The following TAMM41 variants were observed in gnomAD, a reference collection of about 807,000 sequenced individuals.
TAMM41 encodes the protein TAM41 mitochondrial translocator assembly and maintenance homolog.
In TAMM41, 36 loss-of-function variants were observed where a neutral mutation model predicts 44.1. The observed-to-expected ratio is 0.82, with a 90% confidence interval of 0.63 to 1.08. The LOEUF (loss-of-function observed/expected upper bound fraction) is 1.08, where lower values mean the gene tolerates loss of function less well. Ranked by LOEUF, TAMM41 falls within the 50% of genes least tolerant of loss-of-function variation. The probability of loss-of-function intolerance (pLI) is 0.00; values close to 1 mark genes in which losing one functional copy is unlikely to be tolerated. For missense variants in TAMM41, 417 were observed against 404.3 expected, an observed-to-expected ratio of 1.03 and a Z score of -0.27; for synonymous variants, 164 against 153.1, an observed-to-expected ratio of 1.07 and a Z score of -0.53.
At chr3:11,790,879 T>C (rs1190609524) in intron 7 of TAMM41, among the ~76,000 whole-genome samples, 1 of 152,174 alleles carries the variant, frequency 6.6e-6, no homozygotes, top group East Asian at 1.9e-4. Flanking sequence ...ATTTAGCTCT[T>C]TCAAAAAGGT....
At chr3:11,803,408 C>T (rs1003998762) in intron 7 of TAMM41, among the ~76,000 whole-genome samples, 1 of 151,738 alleles carries the variant, frequency 6.6e-6, no homozygotes, top group Non-Finnish European at 1.5e-5. Flanking sequence ...AAACAAAAAA[C>T]AAAAAACAGA....
chr3:11,759,212 G>C, the TAMM41 span, among the ~76,000 whole-genome samples: 1 of 151,942 alleles, frequency 6.6e-6, no homozygotes, highest in South Asian at 2.1e-4. Flanking sequence ...ACCTGCATTT[G>C]CTCGGCACTA....
the TAMM41 span, among the ~76,000 whole-genome samples, chr3:11,732,994 T>TG: frequency 1.9e-5 from 2 of 105,332 alleles, no homozygotes; most frequent in African/African-American, 3.1e-5. Context: ...TTTGAGTTTT[T>TG]TTTTTGTTTG....
At chr3:11,782,050 C>T in the TAMM41 span, among the ~76,000 whole-genome samples, 41 of 151,806 alleles carry the variant, frequency 2.7e-4, no homozygotes, top group Non-Finnish European at 5.5e-4. Flanking sequence ...AGCTGCATGG[C>T]CAGTGATGGC....
intron 1 of TAMM41, among the ~76,000 whole-genome samples, chr3:11,845,723 A>G (rs1036406183): frequency 6.6e-6 from 1 of 152,200 alleles, no homozygotes; most frequent in African/African-American, 2.4e-5. Flanking sequence ...GCAGGATGTT[A>G]ATCAGAAGAC....
At chr3:11,816,297 A>G (rs1363811034) in intron 5 of TAMM41, among the ~76,000 whole-genome samples, 1 of 152,118 alleles carries the variant, frequency 6.6e-6, no homozygotes, top group Non-Finnish European at 1.5e-5. Context: ...ATACCTTGAT[A>G]AGAAAGTTTT....
chr3:11,815,389 C>G (rs889902167), intron 5 of TAMM41, among the ~76,000 whole-genome samples: 10 of 152,058 alleles, frequency 6.6e-5, no homozygotes, highest in African/African-American at 2.4e-4. Context: ...AAACAAGAAA[C>G]AGAAAATACC....
At chr3:11,762,472 T>C in the TAMM41 span, among the ~76,000 whole-genome samples, 170 of 152,218 alleles carry the variant, frequency 1.1e-3, no homozygotes, top group African/African-American at 4.0e-3. Context: ...ATACAACCAT[T>C]TACATCTTCC....
At chr3:11,774,282 C>T in the TAMM41 span, among the ~76,000 whole-genome samples, 1 of 152,180 alleles carries the variant, frequency 6.6e-6, no homozygotes, top group African/African-American at 2.4e-5. Context: ...TCTCTCACCA[C>T]TGTAGAATGA....
chr3:11,783,749 A>T, the TAMM41 span, among the ~76,000 whole-genome samples: 46 of 152,376 alleles, frequency 3.0e-4, no homozygotes, highest in African/African-American at 1.0e-3. Flanking sequence ...ACACCTGCCC[A>T]TGATGACTGA....
At chr3:11,761,960 A>AG in the TAMM41 span, among the ~76,000 whole-genome samples, 5 of 151,264 alleles carry the variant, frequency 3.3e-5, no homozygotes, top group East Asian at 1.9e-4. Context: ...AAAAAAAAAA[A>AG]AAAAAAGAAA....
intron 4 of TAMM41, among the ~76,000 whole-genome samples, chr3:11,828,650 T>C (rs915010756): frequency 6.6e-6 from 1 of 152,154 alleles, no homozygotes; most frequent in African/African-American, 2.4e-5. Flanking sequence ...ATGTCTTTTG[T>C]TGGAAGGCAG....
At chr3:11,794,317 T>C (rs752106423) in intron 7 of TAMM41, among the ~76,000 whole-genome samples, 8 of 152,216 alleles carry the variant, frequency 5.3e-5, no homozygotes, top group Non-Finnish European at 1.2e-4. Flanking sequence ...TATTTTATTT[T>C]TGTAGAGATG....
chr3:11,777,238 C>T, the TAMM41 span, among the ~76,000 whole-genome samples: 1 of 152,080 alleles, frequency 6.6e-6, no homozygotes, highest in East Asian at 1.9e-4. Context: ...GATTGTATAC[C>T]TTAAATACAT....
At chr3:11,841,557 G>A (rs1209788652) in intron 2 of TAMM41, among the ~76,000 whole-genome samples, 1 of 152,160 alleles carries the variant, frequency 6.6e-6, no homozygotes, top group Non-Finnish European at 1.5e-5. Context: ...TTAAAAAGTA[G>A]TCTTTTGGCA....
downstream of TAMM41, chr3:11,790,338 G>A: frequency 3.0e-6 from 2 of 669,706 alleles, no homozygotes; most frequent in Non-Finnish European, 5.2e-6. Flanking sequence ...AATATATTTG[G>A]GTCCCAACTG....
At chr3:11,739,266 A>G in the TAMM41 span, among the ~76,000 whole-genome samples, 2 of 152,118 alleles carry the variant, frequency 1.3e-5, no homozygotes, top group Non-Finnish European at 2.9e-5. Flanking sequence ...CCTAGATGAT[A>G]AGGTCCTCGT....
the TAMM41 span, among the ~76,000 whole-genome samples, chr3:11,761,351 C>A: frequency 1.3e-5 from 2 of 152,018 alleles, no homozygotes; most frequent in Non-Finnish European, 2.9e-5. Flanking sequence ...TTGATCACCC[C>A]AGTTTCTCTG....
chr3:11,795,936 G>C (rs2077594397), intron 7 of TAMM41, among the ~76,000 whole-genome samples: 1 of 152,206 alleles, frequency 6.6e-6, no homozygotes, highest in Non-Finnish European at 1.5e-5. Context: ...TTCAGTTGCT[G>C]ATCTGATGAG....
Sources: allele counts gnomAD v4.1 joint callset (sites outside exome capture counted in the v4.1 genomes callset), GRCh38; gene constraint gnomAD v4.1.1; transcripts MANE v1.5; gene names NCBI Gene and HGNC (gene_info 2026-07-23, HGNC 2026-07-21).